COL25A1: variants seen among roughly 807,000 people sequenced by gnomAD.
The protein encoded by COL25A1 is collagen alpha-1(XXV) chain.
In COL25A1, 103 loss-of-function variants were observed where a neutral mutation model predicts 128.4. That is an observed-to-expected ratio of 0.80 (90% confidence interval 0.68 to 0.94). The LOEUF is 0.94. Ranked by LOEUF, COL25A1 falls within the 40% of genes least tolerant of loss-of-function variation. The pLI, the probability that COL25A1 is intolerant of heterozygous loss-of-function variation, is 0.00. For synonymous variants in COL25A1, 279 were observed against 277.2 expected (o/e 1.01, Z -0.06); for missense variants, 745 against 840.0 (o/e 0.89, Z 1.40).
intron 3 of COL25A1, among the ~76,000 whole-genome samples, chr4:109,155,432 A>T (rs1771936880): frequency 6.6e-6 from 1 of 152,222 alleles, no homozygotes; most frequent in South Asian, 2.1e-4. Context: ...AATTCCAGTA[A>T]CTAAACTCAG....
At chr4:108,861,058 G>A (rs939285970) in intron 22 of COL25A1, 87 bp from the exon 23 acceptor site, 2 of 1,118,226 alleles carry the variant, frequency 1.8e-6, no homozygotes, top group Non-Finnish European at 2.7e-6. Flanking sequence ...CCATACAGAA[G>A]CACCTTTAAT....
At chr4:108,859,368 A>C (rs1175091023) in intron 24 of COL25A1, among the ~76,000 whole-genome samples, 1 of 152,204 alleles carries the variant, frequency 6.6e-6, no homozygotes, top group Non-Finnish European at 1.5e-5. Flanking sequence ...CTCTGCAAGG[A>C]AGGAGGCAAA....
chr4:108,840,434 G>C (rs1024579230), intron 31 of COL25A1, among the ~76,000 whole-genome samples: 1 of 151,950 alleles, frequency 6.6e-6, no homozygotes, highest in Non-Finnish European at 1.5e-5. Flanking sequence ...TTACTCACTG[G>C]CCTTACTGGA....
chr4:109,083,125 C>G (rs926337364), intron 3 of COL25A1, among the ~76,000 whole-genome samples: 1 of 152,090 alleles, frequency 6.6e-6, no homozygotes, highest in African/African-American at 2.4e-5. Flanking sequence ...AACAAAGAAG[C>G]ATTCATCTAT....
intron 6 of COL25A1, among the ~76,000 whole-genome samples, chr4:109,002,378 C>T (rs1339622360): frequency 6.6e-6 from 1 of 152,100 alleles, no homozygotes; most frequent in Middle Eastern, 3.2e-3. Flanking sequence ...TATTATTTAG[C>T]CACAAAAAAG....
At chr4:108,936,800 AATATATATATATAT>A (rs138668509) in intron 11 of COL25A1, among the ~76,000 whole-genome samples, 1 of 134,736 alleles carries the variant, frequency 7.4e-6, no homozygotes, top group South Asian at 2.6e-4. Context: ...CTGTTTCTTA[AATATATATATATAT>A]ATATATATAT....
chr4:108,988,205 G>A (rs890128530), intron 6 of COL25A1, among the ~76,000 whole-genome samples: 8 of 152,278 alleles, frequency 5.3e-5, no homozygotes, highest in African/African-American at 1.9e-4. Context: ...AGGTTTTTCT[G>A]TAAATATTAC....
chr4:109,286,780 T>C (rs911674714), intron 3 of COL25A1, among the ~76,000 whole-genome samples: 2 of 152,150 alleles, frequency 1.3e-5, no homozygotes, highest in Admixed American at 6.5e-5. Flanking sequence ...TATATACCAC[T>C]GTTACTGAAG....
chr4:109,077,455 T>G (rs1435205552), intron 3 of COL25A1, among the ~76,000 whole-genome samples: 1 of 128,060 alleles, frequency 7.8e-6, no homozygotes, highest in Admixed American at 8.3e-5. Context: ...CCAACACTCC[T>G]GCTAAGGAAC....
chr4:109,026,099 T>TGC (rs1439996991), intron 5 of COL25A1, among the ~76,000 whole-genome samples: 27 of 106,306 alleles, frequency 2.5e-4, no homozygotes, highest in African/African-American at 9.3e-4. Context: ...TAAAACACTT[T>TGC]GCACACACAC....
chr4:108,928,447 C>T (rs1202968251), intron 11 of COL25A1, among the ~76,000 whole-genome samples: 2 of 152,124 alleles, frequency 1.3e-5, no homozygotes, highest in Non-Finnish European at 2.9e-5. Flanking sequence ...TCACATATGG[C>T]TACTGAGCAC....
At chr4:108,872,726 A>G (rs1217273755) in intron 19 of COL25A1, among the ~76,000 whole-genome samples, 1 of 151,764 alleles carries the variant, frequency 6.6e-6, no homozygotes, top group East Asian at 1.9e-4. Flanking sequence ...ATATACACAC[A>G]CACATACATA....
chr4:109,301,091 C>T (rs1040562500), intron 2 of COL25A1, among the ~76,000 whole-genome samples: 1 of 151,834 alleles, frequency 6.6e-6, no homozygotes, highest in African/African-American at 2.4e-5. Context: ...CAGAAAACCC[C>T]CTTACTCTAG....
At chr4:109,203,706 G>A (rs1440267269) in intron 3 of COL25A1, among the ~76,000 whole-genome samples, 1 of 150,790 alleles carries the variant, frequency 6.6e-6, no homozygotes, top group Non-Finnish European at 1.5e-5. Context: ...AGTAAAGGGT[G>A]CATAGAAAAG....
chr4:108,845,259 TA>T lies in COL25A1; in HGVS notation c.1516-9del. 2 of 1,611,898 alleles carry T rather than the reference TA, an allele frequency of 1.2e-6. No homozygotes were observed. Among genetic ancestry groups the T allele is most frequent in the East Asian group, 4.5e-5 (2 of 44,874 alleles). On this transcript the variant is annotated splice_polypyrimidine_tract_variant and intron_variant, in intron 28 of 37. Coordinates refer to ENST00000399132, the MANE Select transcript of COL25A1 (RefSeq NM_198721.4). Reference sequence around the variant, plus strand: ...TTTCATTCCATTGGCTCCCTATAAATAACCATTAAGCAGAGTTAAGCAGGTA... The same window carrying T: ...TTTCATTCCATTGGCTCCCTATAAATACCATTAAGCAGAGTTAAGCAGGTA...
At chr4:109,249,832 G>A (rs1172299860) in intron 3 of COL25A1, among the ~76,000 whole-genome samples, 1 of 152,082 alleles carries the variant, frequency 6.6e-6, no homozygotes, top group Non-Finnish European at 1.5e-5. Flanking sequence ...ACTTACTTGA[G>A]ATAATTCTAA....
At chr4:109,140,054 TC>T (rs1770244161) in intron 3 of COL25A1, among the ~76,000 whole-genome samples, 1 of 152,246 alleles carries the variant, frequency 6.6e-6, no homozygotes, top group African/African-American at 2.4e-5. Context: ...TGCCACATTT[TC>T]TTAATCCAGT....
intron 3 of COL25A1, among the ~76,000 whole-genome samples, chr4:109,189,491 T>C (rs1198730370): frequency 4.5e-5 from 6 of 134,756 alleles, no homozygotes; most frequent in Admixed American, 9.1e-5. Context: ...GAGCATGTAG[T>C]GAGCCGAGAT....
chr4:109,074,033 G>C (rs1202526908), intron 3 of COL25A1, among the ~76,000 whole-genome samples: 2 of 152,162 alleles, frequency 1.3e-5, no homozygotes, highest in South Asian at 2.1e-4. Context: ...TTTTGACAAG[G>C]GTGGGTGGCT....
Sources: gnomAD v4.1 joint callset for allele counts (sites outside exome capture counted in the v4.1 genomes callset) on GRCh38, gnomAD v4.1.1 for gene constraint, MANE v1.5 for transcripts, NCBI Gene and HGNC (gene_info 2026-07-23, HGNC 2026-07-21) for gene names.